The following IWS1 variants were observed in gnomAD, a reference collection of about 807,000 sequenced individuals.
The protein encoded by IWS1 is interacts with SUPT6H, CTD assembly factor 1, also known as protein IWS1 homolog.
In IWS1, 27 loss-of-function variants were observed where a neutral mutation model predicts 86.7. The observed-to-expected ratio is 0.31, with a 90% confidence interval of 0.23 to 0.43. The LOEUF (loss-of-function observed/expected upper bound fraction) is 0.43, where lower values mean the gene tolerates loss of function less well. Among genes scored for constraint, IWS1 ranks in the 20% least tolerant of loss-of-function variants. The pLI is 1.00. For missense variants in IWS1, 827 were observed against 1,000.8 expected (o/e 0.83, Z 2.34); for synonymous variants, 313 against 335.1 (o/e 0.93, Z 0.72).
chr2:127,508,128 G>A (rs1030959770), intron 2 of IWS1, among the ~76,000 whole-genome samples: 5 of 152,094 alleles, frequency 3.3e-5, no homozygotes, highest in African/African-American at 1.2e-4. Flanking sequence ...AATAACATAA[G>A]GTGAGGAAAA....
At chr2:127,519,755 C>A (rs1691984706) in intron 2 of IWS1, among the ~76,000 whole-genome samples, 1 of 152,094 alleles carries the variant, frequency 6.6e-6, no homozygotes, top group Non-Finnish European at 1.5e-5. Context: ...AGGGACATTA[C>A]CCTGGATTAT....
chr2:127,522,174 C>T (rs1692134231), intron 2 of IWS1, among the ~76,000 whole-genome samples: 1 of 152,190 alleles, frequency 6.6e-6, no homozygotes, highest in Non-Finnish European at 1.5e-5. Context: ...CATTTCAGTT[C>T]CACTGGCTCC....
rs755504687 is a variant in IWS1, at chr2:127,502,820, ATTC to A, written c.1459_1461del (p.Glu487del). The A allele has an allele frequency of 1.6e-5, 24 of 1,535,560 alleles. No individual in the cohort carries two copies. Among genetic ancestry groups the A allele is most frequent in the African/African-American group, 6.8e-5 (5 of 73,394 alleles). ...TATTTCCATCTTATACTTACTGTAA[ATTC>A]TTCTTCCTCTTCATCACCAGATTCT... On this transcript the variant is annotated inframe_deletion, in exon 5 of 14. Coordinates refer to ENST00000295321, the MANE Select transcript of IWS1 (RefSeq NM_017969.3).
chr2:127,521,975 G>C (rs376920004), intron 2 of IWS1, among the ~76,000 whole-genome samples: 60 of 152,298 alleles, frequency 3.9e-4, no homozygotes, highest in African/African-American at 1.4e-3. Context: ...AAAATATCAT[G>C]CACTAAATGC....
chr2:127,517,363 G>C (rs1376198915), intron 2 of IWS1, among the ~76,000 whole-genome samples: 9 of 152,206 alleles, frequency 5.9e-5, no homozygotes, highest in Admixed American at 5.2e-4. Flanking sequence ...AGCAATAGTA[G>C]TTAATACACT....
At chr2:127,524,463 T>A (rs548332931) in intron 1 of IWS1, among the ~76,000 whole-genome samples, 1 of 152,124 alleles carries the variant, frequency 6.6e-6, no homozygotes, top group East Asian at 1.9e-4. Flanking sequence ...AGTGCTGGGA[T>A]TACACCCAGC....
intron 7 of IWS1, among the ~76,000 whole-genome samples, chr2:127,495,566 T>G (rs1407955142): frequency 1.3e-5 from 2 of 152,244 alleles, no homozygotes; most frequent in Non-Finnish European, 2.9e-5. Context: ...CCAAAAGATC[T>G]GAACTTGTTT....
chr2:127,509,544 G>A (rs950112984), intron 2 of IWS1, among the ~76,000 whole-genome samples: 1 of 151,486 alleles, frequency 6.6e-6, no homozygotes, highest in African/African-American at 2.4e-5. Flanking sequence ...CTGTCTCTAC[G>A]AAAAATGCAA....
At chr2:127,506,668 CATG>C (rs1691167551) in intron 2 of IWS1, 1 of 168,166 alleles carries the variant, frequency 5.9e-6, no homozygotes. Context: ...TGGTACTTCT[CATG>C]ATAACAAAAT....
In IWS1 at chr2:127,504,944, G is replaced by A. The variant is rs745591024; in HGVS notation, c.959C>T (p.Ala320Val). The A allele has an allele frequency of 1.8e-5, 29 of 1,614,128 alleles. No homozygotes were observed. The East Asian group carries it at 3.6e-4, about 20-fold the overall frequency. The stretch of plus-strand genomic sequence containing the variant: ...CTCTGGCTTCTGTTTGTGTCTGGAC[G>A]CATCCTCAGTTTCTGAGTCACTGGC... ...GPASDSETED[A>V]SRHKQKPESD... Residue 320 changes from alanine (A) to valine (V), a missense_variant, in exon 3 of 14, where the codon GCG becomes GTG. Ala to Val is a moderately conservative substitution (Grantham distance 64). Around this residue, in one of 2 missense-constraint regions of IWS1, gnomAD observed 548 missense variants for 560.2 expected, o/e 0.98. Coordinates refer to ENST00000295321, the MANE Select transcript of IWS1 (RefSeq NM_017969.3).
Position 127,503,552 on chromosome 2 carries a change from G to C in IWS1, c.1244C>G (p.Ser415Cys). The C allele has an allele frequency of 6.2e-7, 1 of 1,605,176 alleles. No homozygotes were observed. Residue 415 changes from serine to cysteine, a missense_variant, in exon 4 of 14, where the codon TCT (serine) becomes TGT (cysteine). Physicochemically the swap from Ser to Cys is moderately radical, Grantham distance 112. Around this residue, in one of 2 missense-constraint regions of IWS1, gnomAD observed 548 missense variants for 560.2 expected, o/e 0.98. Transcript: ENST00000295321. The part of the protein sequence containing the change: ...KASAKKSRVV[S>C]DADDSDSDAV... ...ATCACTGTCAGAGTCATCTGCATCAGAGACAACACGACTCTTCTTTGCTGC... is the reference window on the plus strand; with the variant it reads ...ATCACTGTCAGAGTCATCTGCATCACAGACAACACGACTCTTCTTTGCTGC...
Position 127,526,428 on chromosome 2 carries a change from G to GGGCAGGCATGCGAGCC in IWS1, c.-236_-221dup. Reference sequence around the variant, plus strand: ...GGCCGTACCCGGCAGGCTGGCGGGCGGGCAGGCATGCGAGCCGGCGTTCTA... The same window carrying GGGCAGGCATGCGAGCC: ...GGCCGTACCCGGCAGGCTGGCGGGCGGGCAGGCATGCGAGCCGGCAGGCATGCGAGCCGGCGTTCTA... On this transcript the variant is annotated 5_prime_UTR_variant, in exon 1 of 14. The change creates a new upstream start codon in the 5' untranslated region. Transcript: ENST00000295321. The GGGCAGGCATGCGAGCC allele has an allele frequency of 6.5e-7, 1 of 1,535,644 alleles. No individual in the cohort carries two copies.
At chr2:127,506,036 T>C (rs952049894) in intron 2 of IWS1, among the ~76,000 whole-genome samples, 3 of 152,154 alleles carry the variant, frequency 2.0e-5, no homozygotes, top group Non-Finnish European at 2.9e-5. Flanking sequence ...AAGAGCTAGA[T>C]TTTTTCTTTT....
chr2:127,516,173 C>A (rs1691762138), intron 2 of IWS1, among the ~76,000 whole-genome samples: 1 of 152,112 alleles, frequency 6.6e-6, no homozygotes, highest in Non-Finnish European at 1.5e-5. Context: ...GCAGCCTAGG[C>A]AACGTGGCAA....
In IWS1 at chr2:127,505,842, A is replaced by T. The variant is rs1573541848; in HGVS notation, c.151-90T>A. ...ATTAAATTTTTTCTGTGATTTTTTTAAAATACAGGATTATGTGCACCTAAA... is the reference window on the plus strand; with the variant it reads ...ATTAAATTTTTTCTGTGATTTTTTTTAAATACAGGATTATGTGCACCTAAA... On this transcript the variant is annotated intron_variant, in intron 2 of 13. Coordinates refer to ENST00000295321, the MANE Select transcript of IWS1 (RefSeq NM_017969.3). This position sits in a 1 kb window ranked among gnomAD's most constrained non-coding sequence, Gnocchi z 5.0. 4 of 874,072 alleles carry T rather than the reference A, an allele frequency of 4.6e-6. No individual in the cohort carries two copies. The highest frequency in any genetic ancestry group is 3.8e-5 in the South Asian group (2 of 52,746). The allele number at this position is 874,072 out of a possible 1,614,324, so 54.1% of individuals were successfully genotyped here.
intron 2 of IWS1, among the ~76,000 whole-genome samples, chr2:127,515,878 G>A (rs1346629590): frequency 6.6e-6 from 1 of 152,152 alleles, no homozygotes; most frequent in African/African-American, 2.4e-5. Flanking sequence ...AGGAAGAGCA[G>A]GGCATCAGCA....
chr2:127,512,732 T>A lies in IWS1; in HGVS notation c.151-6980A>T, dbSNP rs141925233. On this transcript the variant is annotated intron_variant, in intron 2 of 13. Coordinates refer to ENST00000295321, the MANE Select transcript of IWS1 (RefSeq NM_017969.3). Reference sequence around the variant, plus strand: ...CCTTCCTCTCAGTGCTTGGTATGTATCCTTTCTACAATGACGCACTATATA... The same window carrying A: ...CCTTCCTCTCAGTGCTTGGTATGTAACCTTTCTACAATGACGCACTATATA... Among the ~76,000 whole-genome samples the A allele has an allele frequency of 4.9e-4, 75 of 152,316 alleles. 1 individual carries two copies. In the East Asian group the frequency reaches 0.013, roughly 26 times the overall value.
rs1558747232 is a variant in IWS1, at chr2:127,494,925, CT to C, written c.1745del (p.Lys582SerfsTer4). On this transcript the variant is annotated frameshift_variant, in exon 8 of 14. Transcript: ENST00000295321. LOFTEE classifies it high-confidence loss of function. ...GTAAAGTTAATTTTTTCAGTGCTGG[CT>C]TTTTTTGATTGTTCAACTGTCTGTC... is the stretch of plus-strand genomic sequence containing the variant. ...EEDRQLNNQK[K>X]PALKKLTLLP... The C allele has an allele frequency of 5.6e-6, 9 of 1,601,954 alleles. No individual in the cohort carries two copies. In the South Asian group the frequency reaches 5.7e-5, roughly 10 times the overall value.
chr2:127,520,612 A>G (rs1692042857), intron 2 of IWS1, among the ~76,000 whole-genome samples: 1 of 152,208 alleles, frequency 6.6e-6, no homozygotes, highest in African/African-American at 2.4e-5. Context: ...ACACTTATAC[A>G]CAGTACAACT....
Sources: allele counts gnomAD v4.1 joint callset (sites outside exome capture counted in the v4.1 genomes callset), GRCh38; gene constraint gnomAD v4.1.1; regional missense constraint gnomAD v4.1.1; non-coding constraint Gnocchi (gnomAD v3.1); transcripts MANE v1.5; gene names NCBI Gene and HGNC (gene_info 2026-07-23, HGNC 2026-07-21).